TTLL3: variants seen among roughly 807,000 people sequenced by gnomAD.
TTLL3 encodes the protein tubulin monoglycylase TTLL3.
TTLL3 carries 63 observed loss-of-function variants against 75.2 expected under a neutral mutation model. The observed-to-expected ratio is 0.84, with a 90% CI of 0.68 to 1.03. TTLL3 has a LOEUF of 1.03. Ranked by LOEUF, TTLL3 falls within the 50% of genes least tolerant of loss-of-function variation. The probability of loss-of-function intolerance (pLI) is 0.00; values close to 1 mark genes in which losing one functional copy is unlikely to be tolerated. For missense variants in TTLL3, 997 were observed against 1,069.9 expected (o/e 0.93, Z 0.95); for synonymous variants, 393 against 418.5 (o/e 0.94, Z 0.74).
Position 9,816,124 on chromosome 3 carries a change from G to T in TTLL3, c.366G>T (p.Arg122=). ...EIPYFIWTTR[R]DVLDCRFLSK... Reference sequence around the variant, plus strand: ...CCTACTTCATCTGGACCACTCGGCGGGATGTGCTCGACTGTCGCTTCCTCT... The same window carrying T: ...CCTACTTCATCTGGACCACTCGGCGTGATGTGCTCGACTGTCGCTTCCTCT... Residue 122 remains arginine (R), a synonymous_variant, in exon 5 of 14, where the codon CGG becomes CGT. Transcript: ENST00000685419. The T allele has an allele frequency of 7.4e-7, 1 of 1,350,178 alleles. No individual in the cohort carries two copies. Among genetic ancestry groups the T allele is most frequent in the Non-Finnish European group, 9.9e-7 (1 of 1,013,940 alleles). 83.6% of individuals were successfully genotyped at this position (1,350,178 alleles called of 1,614,324 possible). A position where few individuals can be genotyped will look rare whatever the true frequency, so the allele number is the denominator to read the frequency against.
At chr3:9,813,475 C>A in intron 4 of TTLL3, 130 bp downstream of exon 4, 1 of 1,103,912 alleles carries the variant, frequency 9.1e-7, no homozygotes, top group Non-Finnish European at 1.3e-6. Context: ...GTAGTAAAAA[C>A]TGCTTCTTTA....
intron 5 of TTLL3, 113 bp from the exon 6 acceptor site, chr3:9,817,532 G>A (rs1455355088): frequency 6.3e-7 from 1 of 1,578,668 alleles, no homozygotes; most frequent in South Asian, 1.2e-5. Flanking sequence ...CTCAGACCTT[G>A]CAAGCGGGGC....
At position 9,835,217 on chromosome 3, in the gene TTLL3, G is replaced by C. The variant is rs1233177632; in HGVS notation, c.2176G>C (p.Asp726His). The change falls in exon 14 of 14, where the codon GAC (aspartate) becomes CAC (histidine). Residue 726 changes from aspartate to histidine, a missense_variant. Physicochemically the swap from Asp to His is moderately conservative, Grantham distance 81. Coordinates refer to ENST00000685419, the MANE Select transcript of TTLL3 (RefSeq NM_001387446.1). ...AAGGCCAAAGGCAAATTCAAGGCCA[G>C]ACTGTGACAAACCCAGGGCTGAGGC... Reference protein sequence around the residue: ...RSRPKANSRPDCDKPRAEACP... With the variant: ...RSRPKANSRPHCDKPRAEACP... 9.9e-6 allele frequency: 16 copies of C among 1,614,078 alleles called. No individual in the cohort carries two copies. The highest frequency in any genetic ancestry group is 1.3e-5 in the Non-Finnish European group (15 of 1,180,036).
intron 8 of TTLL3, among the ~76,000 whole-genome samples, chr3:9,824,737 C>CTTTTTTTTTTT (rs71052207): frequency 3.3e-4 from 27 of 80,676 alleles, no homozygotes; most frequent in South Asian, 8.7e-4. Flanking sequence ...CTTTTCTTTT[C>CTTTTTTTTTTT]TTTTTTTTTT....
At chr3:9,817,446 G>C (rs2079990153) in intron 5 of TTLL3, 199 bp from the exon 6 acceptor site, 7 of 985,012 alleles carry the variant, frequency 7.1e-6, no homozygotes, top group Middle Eastern at 5.2e-4. Context: ...AATGTGAAAG[G>C]GGGGACAGGA....
intron 5 of TTLL3, among the ~76,000 whole-genome samples, chr3:9,817,086 T>C (rs2079943483): frequency 1.3e-5 from 2 of 152,114 alleles, no homozygotes; most frequent in African/African-American, 2.4e-5. Flanking sequence ...GTGCTGGGAT[T>C]ATAGGTGTGA....
chr3:9,820,932 G>T (rs757106359), intron 8 of TTLL3, 191 bp downstream of exon 8: 14 of 903,738 alleles, frequency 1.5e-5, no homozygotes, highest in Non-Finnish European at 2.1e-5. Context: ...TCTTGGCATA[G>T]CATAGTCACT....
chr3:9,834,324 A>C (rs2081882981), intron 12 of TTLL3: 2 of 497,642 alleles, frequency 4.0e-6, no homozygotes, highest in Admixed American at 4.6e-5. Context: ...AAGAACTAAC[A>C]CATGTCCAGC....
chr3:9,814,285 G>C (rs2079614174), intron 4 of TTLL3, among the ~76,000 whole-genome samples: 1 of 152,058 alleles, frequency 6.6e-6, no homozygotes, highest in Non-Finnish European at 1.5e-5. Context: ...GCAGTGAACT[G>C]AGATCACGCC....
At position 9,835,095 on chromosome 3, in the gene TTLL3, C is replaced by A; in HGVS notation, c.2054C>A (p.Ala685Asp). The A allele has an allele frequency of 6.2e-7, 1 of 1,605,590 alleles. No individual in the cohort carries two copies. The highest frequency in any genetic ancestry group is 8.5e-7 in the Non-Finnish European group (1 of 1,174,996). The change falls in exon 14 of 14, where the codon GCT becomes GAT. Residue 685 changes from alanine (A) to aspartate (D), a missense_variant and splice_region_variant. Transcript: ENST00000685419. Reference protein sequence around the residue: ...VAPSILKPRKAPALLCLRGPQ... With the variant: ...VAPSILKPRKDPALLCLRGPQ... ...CTTCTCCCCTCCTTTCACACCGAGG[C>A]TCCTGCTCTCCTGTGCCTCCGAGGC...
At chr3:9,813,182 G>T (rs1248230537) in intron 3 of TTLL3, 66 bp from the exon 4 acceptor site, 25 of 1,611,874 alleles carry the variant, frequency 1.6e-5, no homozygotes, top group Middle Eastern at 1.6e-4. Flanking sequence ...CTGTCCCAGA[G>T]TTGAGGCCTT....
rs2080335364 is a variant in TTLL3 at position 9,820,786 on chromosome 3, A to G, written c.854+45A>G. 7 of 1,607,918 alleles carry G rather than the reference A, an allele frequency of 4.4e-6. No homozygotes were observed. The South Asian group carries it at 7.7e-5, about 18-fold the overall frequency. On this transcript the variant is annotated intron_variant, in intron 8 of 13. Transcript: ENST00000685419. ...GACTTTGGGCTGTGGGCAGGTGCTT[A>G]GGGATAGACCCTTTCTGTCTCGTGC...
At chr3:9,809,936 GGGAGAGGA>G, upstream of TTLL3, 4 of 162,810 alleles carry the variant, frequency 2.5e-5, no homozygotes, top group Non-Finnish European at 3.8e-5. Context: ...GGAACTTCCC[GGGAGAGGA>G]GGCGGCGACG....
Position 9,813,003 on chromosome 3 carries a change from A to AG in TTLL3, c.113dup (p.Trp39LeufsTer23), listed in dbSNP as rs748485392. ...GGTGATCCGGTGTCTCTTGCGCCGG[A>AG]GGGGCTGGGTGGAGAAGAAGATGGT... On this transcript the variant is annotated frameshift_variant, in exon 3 of 14. Transcript: ENST00000685419. LOFTEE classifies it high-confidence loss of function. 2.6e-6 allele frequency: 4 copies of AG among 1,565,808 alleles called. No individual in the cohort carries two copies. The South Asian group carries it at 4.7e-5, about 19-fold the overall frequency.
chr3:9,827,790 C>A (rs939280278), intron 10 of TTLL3: 2 of 147,324 alleles, frequency 1.4e-5, no homozygotes, highest in Non-Finnish European at 3.0e-5. Context: ...CAAGGGCTTA[C>A]ATTCTAGCAG....
intron 6 of TTLL3, chr3:9,818,079 G>T: frequency 4.5e-6 from 1 of 223,130 alleles, no homozygotes; most frequent in Non-Finnish European, 8.8e-6. Context: ...TTGTTGAATT[G>T]GGTTCCAAAA....
chr3:9,832,366 G>A lies in TTLL3; in HGVS notation c.1684-738G>A, dbSNP rs964588516. 9.2e-5 allele frequency among the ~76,000 whole-genome samples: 14 copies of A among 152,170 alleles called. No homozygotes were observed. In the East Asian group the frequency reaches 2.7e-3, roughly 29 times the overall value. ...GCCTCCCAAAGCTCTGGGATTACAG[G>A]TGTGACCACCATGCCCGGCCAATAG... On this transcript the variant is annotated intron_variant, in intron 11 of 13. Transcript: ENST00000685419.
rs919538914 is a variant in TTLL3, at chr3:9,820,751, C to T, written c.854+10C>T. The T allele has an allele frequency of 6.2e-7, 1 of 1,613,486 alleles. No individual in the cohort carries two copies. Among genetic ancestry groups the T allele is most frequent in the Non-Finnish European group, 8.5e-7 (1 of 1,179,738 alleles). On this transcript the variant is annotated intron_variant, in intron 8 of 13. Coordinates refer to ENST00000685419, the MANE Select transcript of TTLL3 (RefSeq NM_001387446.1). The stretch of plus-strand genomic sequence containing the variant: ...ACTACCAAGTGGTCCAGTGAGTCCC[C>T]TGCAGCTGGGACTTTGGGCTGTGGG...
At chr3:9,832,585 C>G (rs1176424973) in intron 11 of TTLL3, among the ~76,000 whole-genome samples, 1 of 152,214 alleles carries the variant, frequency 6.6e-6, no homozygotes, top group East Asian at 1.9e-4. Context: ...GAGTCCCTCT[C>G]CTGGACCCTT....
Sources: allele counts gnomAD v4.1 joint callset (sites outside exome capture counted in the v4.1 genomes callset), GRCh38; gene constraint gnomAD v4.1.1; transcripts MANE v1.5; gene names NCBI Gene and HGNC (gene_info 2026-07-23, HGNC 2026-07-21).